Variants in TMEM268 observed in about 807,000 individuals in gnomAD.
The protein encoded by TMEM268 is transmembrane protein 268.
A neutral mutation model predicts 39.1 loss-of-function variants in TMEM268; 24 were observed. The ratio of observed to expected loss-of-function variants is 0.61; its 90% confidence interval spans 0.44 to 0.86. The LOEUF is 0.86. TMEM268 is among the 40% of genes least tolerant of loss of function. TMEM268 has a pLI of 0.00. For missense variants in TMEM268, 409 were observed against 428.6 expected (o/e 0.95, Z 0.40); for synonymous variants, 176 against 173.5 (o/e 1.01, Z -0.12).
At chr9:114,637,105 C>T in intron 7 of TMEM268, 35 bp downstream of exon 7, 1 of 1,372,826 alleles carries the variant, frequency 7.3e-7, no homozygotes, top group Non-Finnish European at 1.0e-6. Flanking sequence ...AAAACAAAAA[C>T]CAGGAGGCCA....
chr9:114,607,029 A>G (rs1428325409), upstream of TMEM268, among the ~76,000 whole-genome samples: 6 of 152,228 alleles, frequency 3.9e-5, no homozygotes, highest in Admixed American at 3.9e-4. Flanking sequence ...CCAAGTTATC[A>G]AACAGTGTTG....
At chr9:114,631,244 A>T (rs1466621921) in intron 5 of TMEM268, among the ~76,000 whole-genome samples, 2 of 146,392 alleles carry the variant, frequency 1.4e-5, no homozygotes, top group Admixed American at 1.4e-4. Context: ...TCAAGGCTGC[A>T]GTGAGCTCTG....
intron 3 of TMEM268, among the ~76,000 whole-genome samples, chr9:114,625,599 G>A (rs1589341249): frequency 1.3e-5 from 2 of 151,376 alleles, no homozygotes; most frequent in South Asian, 4.2e-4. Flanking sequence ...CATGCACCAC[G>A]GCTGGCTAAT....
Position 114,643,364 on chromosome 9 carries a change from C to A in TMEM268, c.*51C>A. 2 of 1,562,814 alleles carry A rather than the reference C, an allele frequency of 1.3e-6. No homozygotes were observed. The highest frequency in any genetic ancestry group is 1.8e-6 in the Non-Finnish European group (2 of 1,137,622). On this transcript the variant is annotated 3_prime_UTR_variant, in exon 9 of 9. Coordinates refer to ENST00000288502, the MANE Select transcript of TMEM268 (RefSeq NM_153045.4). The stretch of plus-strand genomic sequence containing the variant: ...CTTCAAGACTGAGCAGTCAGGAAGG[C>A]TTCAGGAGCCCAAGATGGCCAATGG...
intron 5 of TMEM268, among the ~76,000 whole-genome samples, chr9:114,628,913 T>TCA (rs1253775965): frequency 3.3e-5 from 5 of 152,380 alleles, no homozygotes; most frequent in African/African-American, 1.2e-4. Context: ...GTCTGTCTTT[T>TCA]GATATGTACT....
upstream of TMEM268, among the ~76,000 whole-genome samples, chr9:114,606,494 CG>C (rs1047829102): frequency 3.3e-5 from 5 of 152,308 alleles, 1 homozygote; most frequent in Admixed American, 3.3e-4. Flanking sequence ...CCACTAGCAA[CG>C]GAACATTCTG....
intron 3 of TMEM268, 68 bp from the exon 4 acceptor site, chr9:114,626,828 CATG>C: frequency 8.6e-7 from 1 of 1,161,410 alleles, no homozygotes; most frequent in Non-Finnish European, 1.3e-6. Context: ...CCCCCTTCCA[CATG>C]ATAGTCACAT....
At chr9:114,622,141 A>G in intron 2 of TMEM268, 3 of 985,206 alleles carry the variant, frequency 3.0e-6, no homozygotes, top group Non-Finnish European at 2.4e-6. Context: ...AGGGAGAGAG[A>G]GGGTTTGGAT....
chr9:114,638,741 G>T lies in TMEM268; in HGVS notation c.849+15G>T, dbSNP rs779345358. On this transcript the variant is annotated intron_variant, in intron 8 of 8. Transcript: ENST00000288502. The stretch of plus-strand genomic sequence containing the variant: ...CTGAGCCGGAGGTAACAGGCACTGG[G>T]GCTTGTTGGGGCCATCTTCCCTCGG... The T allele has an allele frequency of 6.6e-7, 1 of 1,522,822 alleles. No individual in the cohort carries two copies. The highest frequency in any genetic ancestry group is 2.5e-5 in the East Asian group (1 of 40,622). 94.3% of individuals were successfully genotyped at this position (1,522,822 alleles called of 1,614,324 possible).
intron 6 of TMEM268, among the ~76,000 whole-genome samples, chr9:114,636,737 G>T (rs956505887): frequency 2.0e-5 from 3 of 152,258 alleles, no homozygotes; most frequent in Middle Eastern, 3.4e-3. Context: ...CTGGCCTCAA[G>T]TGATCTGCCT....
At chr9:114,614,181 T>G (rs55720568) in intron 1 of TMEM268, among the ~76,000 whole-genome samples, 7,184 of 152,298 alleles carry the variant, frequency 0.047, 316 homozygotes, top group African/African-American at 0.11. Flanking sequence ...TAAGTCCAGG[T>G]TTTCTGGCTC....
intron 2 of TMEM268, among the ~76,000 whole-genome samples, chr9:114,621,366 G>T (rs10982332): frequency 0.2 from 29,361 of 149,196 alleles, 3,320 homozygotes; most frequent in East Asian, 0.26. Context: ...AAAAGAAAAA[G>T]AACCTTTTCC....
At chr9:114,604,650 A>G in the TMEM268 span, among the ~76,000 whole-genome samples, 1 of 152,080 alleles carries the variant, frequency 6.6e-6, no homozygotes, top group Admixed American at 6.6e-5. Context: ...CCTTGTGGTA[A>G]CATCTCACAA....
intron 4 of TMEM268, among the ~76,000 whole-genome samples, 183 bp from the exon 5 acceptor site, chr9:114,627,918 A>G (rs16930406): frequency 1.3e-5 from 2 of 152,236 alleles, no homozygotes; most frequent in Admixed American, 6.5e-5. Context: ...ACTTTTGCTT[A>G]TAAACAAGGA....
chr9:114,606,503 C>T (rs765277419), upstream of TMEM268, among the ~76,000 whole-genome samples: 1 of 152,242 alleles, frequency 6.6e-6, no homozygotes, highest in African/African-American at 2.4e-5. Flanking sequence ...ACGGAACATT[C>T]TGTGGGACAC....
At chr9:114,628,702 A>G (rs977222493) in intron 5 of TMEM268, among the ~76,000 whole-genome samples, 4 of 152,016 alleles carry the variant, frequency 2.6e-5, no homozygotes, top group Non-Finnish European at 5.9e-5. Flanking sequence ...TGCTCTATTG[A>G]CAGTCATGTC....
At chr9:114,624,035 G>A (rs901716802) in intron 2 of TMEM268, 6 of 239,620 alleles carry the variant, frequency 2.5e-5, no homozygotes, top group South Asian at 6.1e-5. Context: ...CCTTGTGTTG[G>A]GGAACATTTT....
At chr9:114,628,868 G>C (rs1255969912) in intron 5 of TMEM268, among the ~76,000 whole-genome samples, 1 of 152,178 alleles carries the variant, frequency 6.6e-6, no homozygotes, top group East Asian at 1.9e-4. Flanking sequence ...CTCCCAGCTT[G>C]ATGTATGATT....
At chr9:114,639,692 G>C (rs897082653) in intron 8 of TMEM268, among the ~76,000 whole-genome samples, 4 of 151,654 alleles carry the variant, frequency 2.6e-5, no homozygotes, top group African/African-American at 4.8e-5. Context: ...TGTGCTGGTG[G>C]GCAGTAGGAA....
Sources: allele counts gnomAD v4.1 joint callset (sites outside exome capture counted in the v4.1 genomes callset), GRCh38; gene constraint gnomAD v4.1.1; transcripts MANE v1.5; gene names NCBI Gene and HGNC (gene_info 2026-07-23, HGNC 2026-07-21).